The following BBX variants were observed in gnomAD, a reference collection of about 807,000 sequenced individuals.
BBX encodes the protein BBX high mobility group box domain containing.
A neutral mutation model predicts 100.2 loss-of-function variants in BBX; 30 were observed. That is an observed-to-expected ratio of 0.30 (90% CI 0.22 to 0.41). The LOEUF is 0.41. Ranked by LOEUF, BBX falls within the 10% of genes least tolerant of loss-of-function variation. The probability of loss-of-function intolerance (pLI) is 1.00; values close to 1 mark genes in which losing one functional copy is unlikely to be tolerated. For synonymous variants in BBX, 376 were observed against 388.1 expected, an observed-to-expected ratio of 0.97 and a Z score of 0.37; for missense variants, 1,023 against 1,129.8, an observed-to-expected ratio of 0.91 and a Z score of 1.35.
intron 4 of BBX, 149 bp from the exon 5 acceptor site, chr3:107,716,458 T>A: frequency 1.1e-6 from 1 of 951,760 alleles, no homozygotes; most frequent in Non-Finnish European, 1.5e-6. Context: ...GAACAGTGGT[T>A]GTTGATTTTT....
chr3:107,756,325 G>A (rs772439474), intron 10 of BBX, among the ~76,000 whole-genome samples: 4 of 152,106 alleles, frequency 2.6e-5, no homozygotes, highest in Non-Finnish European at 4.4e-5. Flanking sequence ...CCTACCTCAA[G>A]GAAACATGCA....
At chr3:107,559,524 G>A (rs564492534) in intron 2 of BBX, among the ~76,000 whole-genome samples, 1 of 152,256 alleles carries the variant, frequency 6.6e-6, no homozygotes, top group African/African-American at 2.4e-5. Context: ...AGTGTGTAGA[G>A]AAATTGCAGT....
At chr3:107,766,991 G>A (rs1394419016) in intron 10 of BBX, among the ~76,000 whole-genome samples, 1 of 152,188 alleles carries the variant, frequency 6.6e-6, no homozygotes, top group Non-Finnish European at 1.5e-5. Flanking sequence ...TTATTAGTGG[G>A]AATTGAACAA....
intron 7 of BBX, among the ~76,000 whole-genome samples, chr3:107,741,464 A>G (rs887136111): frequency 6.6e-6 from 1 of 152,130 alleles, no homozygotes; most frequent in Non-Finnish European, 1.5e-5. Flanking sequence ...CCCGTTAGCT[A>G]TTTTTGTTTT....
chr3:107,677,989 T>C (rs2059373993), intron 3 of BBX, among the ~76,000 whole-genome samples: 1 of 152,174 alleles, frequency 6.6e-6, no homozygotes, highest in African/African-American at 2.4e-5. Flanking sequence ...TCCATAATTT[T>C]ATCACAGAGA....
At chr3:107,709,607 GTGAA>G (rs2061595282) in intron 3 of BBX, among the ~76,000 whole-genome samples, 1 of 152,168 alleles carries the variant, frequency 6.6e-6, no homozygotes, top group East Asian at 1.9e-4. Flanking sequence ...CTTTGAATGA[GTGAA>G]TGAATGAATG....
chr3:107,628,792 T>C (rs2056368214), intron 2 of BBX, among the ~76,000 whole-genome samples: 1 of 152,152 alleles, frequency 6.6e-6, no homozygotes, highest in Non-Finnish European at 1.5e-5. Context: ...CTGAAAATTG[T>C]CCTTCACAGC....
At chr3:107,706,232 C>T (rs1402174572) in intron 3 of BBX, among the ~76,000 whole-genome samples, 1 of 152,070 alleles carries the variant, frequency 6.6e-6, no homozygotes, top group Non-Finnish European at 1.5e-5. Flanking sequence ...CCATGTTGGC[C>T]AGGATGGCAC....
intron 3 of BBX, among the ~76,000 whole-genome samples, chr3:107,670,276 ATG>A (rs1330870281): frequency 6.6e-6 from 1 of 152,072 alleles, no homozygotes; most frequent in African/African-American, 2.4e-5. Context: ...AATGAAACTG[ATG>A]TCTTAATTTT....
At chr3:107,620,064 T>C (rs567910742) in intron 2 of BBX, among the ~76,000 whole-genome samples, 2 of 152,278 alleles carry the variant, frequency 1.3e-5, no homozygotes, top group South Asian at 4.1e-4. Flanking sequence ...CCTGAGGCTC[T>C]GTTTATTTTT....
intron 11 of BBX, among the ~76,000 whole-genome samples, chr3:107,774,445 T>C (rs2067161020): frequency 6.6e-6 from 1 of 152,170 alleles, no homozygotes; most frequent in East Asian, 1.9e-4. Context: ...GGTTTTTGAA[T>C]GGAAAAGCTA....
chr3:107,529,372 C>T (rs1441685324), intron 2 of BBX, among the ~76,000 whole-genome samples: 1 of 152,154 alleles, frequency 6.6e-6, no homozygotes, highest in Admixed American at 6.5e-5. Context: ...TATTTTTTGT[C>T]AGATTCCTTC....
intron 2 of BBX, among the ~76,000 whole-genome samples, chr3:107,640,180 TA>T (rs1187273847): frequency 6.6e-6 from 1 of 152,164 alleles, no homozygotes; most frequent in East Asian, 1.9e-4. Flanking sequence ...TGCAGGGTAG[TA>T]AACCTAAGGC....
chr3:107,802,980 C>G (rs1285270863), intron 17 of BBX, among the ~76,000 whole-genome samples: 1 of 152,160 alleles, frequency 6.6e-6, no homozygotes, highest in Non-Finnish European at 1.5e-5. Flanking sequence ...TCTCTCAGAC[C>G]ACATTGGGAT....
At chr3:107,781,859 G>A (rs2067924527) in intron 13 of BBX, among the ~76,000 whole-genome samples, 1 of 152,014 alleles carries the variant, frequency 6.6e-6, no homozygotes, top group Non-Finnish European at 1.5e-5. Flanking sequence ...AATCAAAAAT[G>A]GTTAAGGCAT....
At chr3:107,769,932 T>C (rs773714622) in intron 10 of BBX, among the ~76,000 whole-genome samples, 2 of 152,210 alleles carry the variant, frequency 1.3e-5, no homozygotes, top group Admixed American at 1.3e-4. Context: ...GTAGTTTTAA[T>C]TCAGAGTTAT....
chr3:107,802,164 T>C (rs1241949197), intron 17 of BBX, among the ~76,000 whole-genome samples: 1 of 152,260 alleles, frequency 6.6e-6, no homozygotes, highest in Non-Finnish European at 1.5e-5. Flanking sequence ...TGAGCTGCTT[T>C]CTTAGACTTT....
intron 8 of BBX, among the ~76,000 whole-genome samples, chr3:107,747,027 GA>G (rs979034564): frequency 2.6e-5 from 4 of 151,984 alleles, no homozygotes; most frequent in African/African-American, 9.7e-5. Context: ...TATTATAGCT[GA>G]AAAAAAGTTT....
At chr3:107,566,175 CAA>C (rs754905445) in intron 2 of BBX, among the ~76,000 whole-genome samples, 31 of 53,056 alleles carry the variant, frequency 5.8e-4, no homozygotes, top group Middle Eastern at 0.017. Flanking sequence ...AACTCTGTCT[CAA>C]AAAAAAAAAA....
Sources: gnomAD v4.1 joint callset for allele counts (sites outside exome capture counted in the v4.1 genomes callset) on GRCh38, gnomAD v4.1.1 for gene constraint, MANE v1.5 for transcripts, NCBI Gene and HGNC (gene_info 2026-07-23, HGNC 2026-07-21) for gene names.